Variants in PDZD7 observed in about 807,000 individuals in gnomAD.
PDZD7 encodes the protein PDZ domain containing 7, also known as PDZ domain-containing protein 7.
In PDZD7, 72 loss-of-function variants were observed where a neutral mutation model predicts 84.7. That is an observed-to-expected ratio of 0.85 (90% CI 0.70 to 1.03). PDZD7 has a LOEUF of 1.03. Ranked by LOEUF, PDZD7 falls within the 50% of genes least tolerant of loss-of-function variation. The pLI is 0.00. For missense variants in PDZD7, 1,490 were observed against 1,412.9 expected (o/e 1.05, Z -0.87); for synonymous variants, 594 against 580.7 (o/e 1.02, Z -0.33).
intron 11 of PDZD7, among the ~76,000 whole-genome samples, chr10:101,014,182 C>T (rs1852504756): frequency 6.6e-6 from 1 of 152,076 alleles, no homozygotes. Flanking sequence ...TTTCTGATTC[C>T]TGGTCTGGCA....
chr10:101,030,051 C>T lies in PDZD7; in HGVS notation c.169G>A (p.Gly57Arg). The T allele has an allele frequency of 1.2e-6, 2 of 1,614,022 alleles. No individual in the cohort carries two copies. Among genetic ancestry groups the T allele is most frequent in the Non-Finnish European group, 8.5e-7 (1 of 1,180,038 alleles). Residue 57 changes from glycine to arginine, a missense_variant, in exon 2 of 17, where the codon GGA (glycine) becomes AGA (arginine). Transcript: ENST00000619208. ...QQRLLNGPPRGIRASSPMGRV... is the reference protein window; with the variant it reads ...QQRLLNGPPRRIRASSPMGRV... ...CCCATGGGCGATGAGGCTCGGATTC[C>T]GCGGGGGGGCCCGTTCAGCAGCCGT...
chr10:101,023,089 T>C (rs1590068269), intron 4 of PDZD7: 1 of 202,470 alleles, frequency 4.9e-6, no homozygotes, highest in East Asian at 1.4e-4. Context: ...TTTTTTTTTT[T>C]TTTTTTTTAG....
Position 101,010,671 on chromosome 10 carries a change from G to T in PDZD7, c.2218C>A (p.Pro740Thr), listed in dbSNP as rs1179069732. 5 of 1,522,842 alleles carry T rather than the reference G, an allele frequency of 3.3e-6. No homozygotes were observed. Among genetic ancestry groups the T allele is most frequent in the Admixed American group, 4.0e-5 (2 of 50,632 alleles). The allele number at this position is 1,522,842 out of a possible 1,614,324, so 94.3% of individuals were successfully genotyped here. Residue 740 changes from proline to threonine, a missense_variant, in exon 15 of 17, where the codon CCC becomes ACC. Physicochemically the swap from Pro to Thr is conservative, Grantham distance 38. Coordinates refer to ENST00000619208, the MANE Select transcript of PDZD7 (RefSeq NM_001195263.2). ...IACTPPPQLP[P>T]VAPRPLRPNW... Reference sequence around the variant, plus strand: ...GGCCGCAGGGGCCGGGGAGCCACGGGGGGTAGCTGGGGAGGGGGTGTGCAG... The same window carrying T: ...GGCCGCAGGGGCCGGGGAGCCACGGTGGGTAGCTGGGGAGGGGGTGTGCAG...
Position 101,020,731 on chromosome 10 carries a change from A to G in PDZD7, c.868-53T>C, listed in dbSNP as rs1326111257. 5 of 1,372,506 alleles carry G rather than the reference A, an allele frequency of 3.6e-6. No homozygotes were observed. In the African/African-American group the frequency reaches 5.7e-5, roughly 16 times the overall value. The allele number at this position is 1,372,506 out of a possible 1,614,324, so 85.0% of individuals were successfully genotyped here. On this transcript the variant is annotated intron_variant, in intron 6 of 16. Transcript: ENST00000619208. ...GGAAGGGGGAGCAGTGAGGAGGGAG[A>G]GTGAGAATGGGGCGGGGGTGACAGG...
Position 101,007,793 on chromosome 10 carries a change from A to C in PDZD7, c.*674T>G. 2 of 415,190 alleles carry C rather than the reference A, an allele frequency of 4.8e-6. No homozygotes were observed. The highest frequency in any genetic ancestry group is 2.2e-5 in the African/African-American group (1 of 46,112). 25.7% of individuals were successfully genotyped at this position (415,190 alleles called of 1,614,324 possible). A position where few individuals can be genotyped will look rare whatever the true frequency, so the allele number is the denominator to read the frequency against. ...TTTCACACTGTAAATTTCTTGTACA[A>C]ACCCAAAGAAAAAATTAAAAAAAAT... is the stretch of plus-strand genomic sequence containing the variant. On this transcript the variant is annotated 3_prime_UTR_variant, in exon 17 of 17. Coordinates refer to ENST00000619208, the MANE Select transcript of PDZD7 (RefSeq NM_001195263.2).
chr10:101,014,015 ATTT>A (rs34909819), intron 11 of PDZD7, among the ~76,000 whole-genome samples: 5 of 140,830 alleles, frequency 3.6e-5, no homozygotes, highest in Admixed American at 7.1e-5. Flanking sequence ...ATGCCCAGCT[ATTT>A]TTTTTTTTTT....
In PDZD7 at chr10:101,007,875, A is replaced by AACCC. The variant is rs1852267845; in HGVS notation, c.*591_*592insGGGT. ...GATAAAGAGTACAGGAACTTGTTTG[A>AACCC]CCCCCCCCCCCCCACCATTTGCTGG... On this transcript the variant is annotated 3_prime_UTR_variant, in exon 17 of 17. Coordinates refer to ENST00000619208, the MANE Select transcript of PDZD7 (RefSeq NM_001195263.2). The AACCC allele has an allele frequency of 1.3e-4, 3 of 23,788 alleles. No homozygotes were observed. The highest frequency in any genetic ancestry group is 1.4e-4 in the Non-Finnish European group (2 of 14,434). The allele number at this position is 23,788 out of a possible 1,614,324, so 1.5% of individuals were successfully genotyped here.
intron 2 of PDZD7, among the ~76,000 whole-genome samples, chr10:101,024,901 G>A (rs889127267): frequency 1.3e-5 from 2 of 151,918 alleles, no homozygotes; most frequent in African/African-American, 4.8e-5. Flanking sequence ...CCATGGGCCT[G>A]GGGTAAGCCA....
At position 101,018,941 on chromosome 10, in the gene PDZD7, G is replaced by A. The variant is rs762954606; in HGVS notation, c.1205C>T (p.Pro402Leu). 1.2e-6 allele frequency: 2 copies of A among 1,601,900 alleles called. No homozygotes were observed. The highest frequency in any genetic ancestry group is 1.1e-5 in the South Asian group (1 of 88,886). Reference protein sequence around the residue: ...LRDTAIRSDGPHPGRRLDSAL... With the variant: ...LRDTAIRSDGLHPGRRLDSAL... ...AGAGTCAAGGCGGCGGCCGGGATGG[G>A]GGCCGTCCGAGCGGATGGCGGTGTC... Residue 402 changes from proline to leucine, a missense_variant, in exon 8 of 17, where the codon CCC becomes CTC. Physicochemically the swap from Pro to Leu is moderately conservative, Grantham distance 98. Transcript: ENST00000619208.
chr10:101,018,367 G>T, intron 8 of PDZD7, 71 bp from the exon 9 acceptor site: 1 of 1,535,560 alleles, frequency 6.5e-7, no homozygotes. Context: ...GCAGGGGTGT[G>T]GGGAGGGACA....
At chr10:101,023,864 C>T (rs1417773349) in intron 3 of PDZD7, 64 bp downstream of exon 3, 2 of 1,612,570 alleles carry the variant, frequency 1.2e-6, no homozygotes, top group African/African-American at 1.3e-5. Flanking sequence ...GCAGCATCCC[C>T]TGCCATTCAC....
rs1215082654 is a variant in PDZD7, at chr10:101,023,539, C to A, written c.439G>T (p.Gly147Cys). The A allele has an allele frequency of 6.2e-7, 1 of 1,614,090 alleles. No individual in the cohort carries two copies. Among genetic ancestry groups the A allele is most frequent in the South Asian group, 1.1e-5 (1 of 91,090 alleles). Reference protein sequence around the residue: ...NGLSLESTTMGSAVKVLTSSS... With the variant: ...NGLSLESTTMCSAVKVLTSSS... ...CTGGTCAGCACCTTTACGGCGCTAC[C>A]CATGGTGGTGCTCTCCAGGCTCAGC... is the stretch of plus-strand genomic sequence containing the variant. Residue 147 changes from glycine to cysteine, a missense_variant, in exon 4 of 17, where the codon GGT (glycine) becomes TGT (cysteine). Transcript: ENST00000619208.
At chr10:101,028,045 C>T (rs997631393) in intron 2 of PDZD7, among the ~76,000 whole-genome samples, 2 of 152,126 alleles carry the variant, frequency 1.3e-5, no homozygotes, top group African/African-American at 4.8e-5. Context: ...CTTTACTCCC[C>T]GGGAGTGATC....
chr10:101,030,684 G>C (rs1339255786), intron 1 of PDZD7: 2 of 312,704 alleles, frequency 6.4e-6, no homozygotes, highest in Non-Finnish European at 1.3e-5. Flanking sequence ...GGGCCCTGGG[G>C]CTTAGAGAGG....
chr10:101,020,693 G>T lies in PDZD7; in HGVS notation c.868-15C>A. 1 of 1,609,004 alleles carries T rather than the reference G, an allele frequency of 6.2e-7. No homozygotes were observed. The highest frequency in any genetic ancestry group is 2.2e-5 in the East Asian group (1 of 44,850). ...CGGCCGGTCTCCTGGGGAGGGGATG[G>T]TGGGCATAGGAGGGAAGGGGGAGCA... On this transcript the variant is annotated splice_polypyrimidine_tract_variant and intron_variant, in intron 6 of 16. Transcript: ENST00000619208.
chr10:101,019,096 G>T lies in PDZD7; in HGVS notation c.1050C>A (p.Cys350Ter). The change falls in exon 8 of 17, where the codon TGC becomes TGA. Residue 350 changes from cysteine to a stop codon, truncating the protein, a stop_gained. Coordinates refer to ENST00000619208, the MANE Select transcript of PDZD7 (RefSeq NM_001195263.2). LOFTEE classifies it high-confidence loss of function. The part of the protein sequence containing the change: ...GSLPSDRMDI[C>*]LGQEEPGSRG... ...GGCTGCCGGGCTCCTCCTGCCCGAG[G>T]CAGATGTCCATGCGGTCCGACGGCA... 6.4e-7 allele frequency: 1 copy of T among 1,562,770 alleles called. No homozygotes were observed. The highest frequency in any genetic ancestry group is 8.6e-7 in the Non-Finnish European group (1 of 1,161,300).
intron 2 of PDZD7, among the ~76,000 whole-genome samples, chr10:101,025,292 T>G (rs10883575): frequency 6.6e-6 from 1 of 151,784 alleles, no homozygotes; most frequent in African/African-American, 2.4e-5. Context: ...TCACTGCAAC[T>G]TCGGCCTCCC....
intron 2 of PDZD7, among the ~76,000 whole-genome samples, chr10:101,026,165 C>G (rs544487122): frequency 4.8e-4 from 72 of 151,398 alleles, no homozygotes; most frequent in Non-Finnish European, 8.7e-4. Context: ...GACGGAATCT[C>G]GCTTCTTCTC....
rs1212354465 is a variant in PDZD7, at chr10:101,008,677, A to G, written c.2892T>C (p.Leu964=). ...PRPSPSDSSA[L]TDGGLPADHL... Reference sequence around the variant, plus strand: ...GGTCAGCAGGAAGGCCCCCATCAGTAAGGGCTGATGAGTCAGAGGGTGAGG... The same window carrying G: ...GGTCAGCAGGAAGGCCCCCATCAGTGAGGGCTGATGAGTCAGAGGGTGAGG... Residue 964 remains leucine (L), a synonymous_variant, in exon 17 of 17, where the codon CTT becomes CTC. Coordinates refer to ENST00000619208, the MANE Select transcript of PDZD7 (RefSeq NM_001195263.2). The G allele has an allele frequency of 1.3e-6, 2 of 1,535,872 alleles. No individual in the cohort carries two copies. Among genetic ancestry groups the G allele is most frequent in the South Asian group, 2.4e-5 (2 of 84,058 alleles).
Sources: allele counts gnomAD v4.1 joint callset (sites outside exome capture counted in the v4.1 genomes callset), GRCh38; gene constraint gnomAD v4.1.1; transcripts MANE v1.5; gene names NCBI Gene and HGNC (gene_info 2026-07-23, HGNC 2026-07-21).